The following LRMDA variants were observed in gnomAD, a reference collection of about 807,000 sequenced individuals.
LRMDA encodes the protein leucine-rich melanocyte differentiation-associated protein.
In LRMDA, 18 loss-of-function variants were observed where a neutral mutation model predicts 29.8. The ratio of observed to expected loss-of-function variants is 0.60; its 90% confidence interval spans 0.42 to 0.90. The LOEUF is 0.90. LRMDA is among the 40% of genes least tolerant of loss of function. LRMDA has a pLI of 0.00. For missense variants in LRMDA, 273 were observed against 273.9 expected (o/e 1.00, Z 0.02); for synonymous variants, 125 against 109.4 (o/e 1.14, Z -0.89).
chr10:75,707,812 G>T (rs549356870), intron 2 of LRMDA, among the ~76,000 whole-genome samples: 1 of 152,248 alleles, frequency 6.6e-6, no homozygotes, highest in South Asian at 2.1e-4. Context: ...CCTCAGTCTG[G>T]TATTTTTCCC....
chr10:75,545,524 A>G (rs913381395), intron 2 of LRMDA, among the ~76,000 whole-genome samples: 10 of 152,236 alleles, frequency 6.6e-5, no homozygotes, highest in Admixed American at 5.2e-4. Flanking sequence ...CACTGTGGAC[A>G]TAATAGGTGT....
intron 5 of LRMDA, among the ~76,000 whole-genome samples, chr10:76,225,408 C>T (rs146123107): frequency 1.5e-3 from 220 of 151,644 alleles, no homozygotes; most frequent in African/African-American, 5.2e-3. Flanking sequence ...CAGAGTGAGA[C>T]TCCGTCTCAA....
intron 5 of LRMDA, among the ~76,000 whole-genome samples, chr10:76,183,582 G>T (rs1350821635): frequency 6.6e-6 from 1 of 152,146 alleles, no homozygotes; most frequent in Non-Finnish European, 1.5e-5. Context: ...CTGGGGAGAG[G>T]GTGAGACAGG....
rs66523834 is a variant in LRMDA at position 76,111,809 on chromosome 10, TGG to T, written c.516+53034_516+53035del. ...GAAATCACCCCCGCCGAAATGGGGG[TGG>T]GGGGGGGCGCATGGTGGGCTCTCAT... On this transcript the variant is annotated intron_variant, in intron 5 of 6. Coordinates refer to ENST00000611255, the MANE Select transcript of LRMDA (RefSeq NM_001305581.2). 2.2e-3 allele frequency among the ~76,000 whole-genome samples: 329 copies of T among 150,746 alleles called. 3 individuals are homozygous for T. Among genetic ancestry groups the T allele is most frequent in the African/African-American group, 3.7e-3 (154 of 41,224 alleles).
intron 2 of LRMDA, among the ~76,000 whole-genome samples, chr10:75,548,169 C>T (rs754692481): frequency 7.3e-5 from 11 of 151,156 alleles, no homozygotes; most frequent in Non-Finnish European, 8.8e-5. Flanking sequence ...GAGCCCTTAA[C>T]GGATGATTAA....
intron 6 of LRMDA, among the ~76,000 whole-genome samples, chr10:76,487,633 A>G (rs1366701765): frequency 1.3e-5 from 2 of 151,864 alleles, no homozygotes; most frequent in African/African-American, 4.8e-5. Flanking sequence ...TAGGGTTAGT[A>G]TAAGACACAC....
chr10:76,050,143 C>T (rs1032811143), intron 4 of LRMDA, among the ~76,000 whole-genome samples: 1 of 152,176 alleles, frequency 6.6e-6, no homozygotes, highest in Non-Finnish European at 1.5e-5. Flanking sequence ...TGTTTCATTT[C>T]CATGGGAGAT....
chr10:75,511,023 G>T (rs968698339), intron 2 of LRMDA, among the ~76,000 whole-genome samples: 5 of 152,116 alleles, frequency 3.3e-5, no homozygotes, highest in African/African-American at 7.2e-5. Context: ...GTATTGATTT[G>T]GGAAGAGCCT....
At chr10:76,141,925 T>G (rs1449786376) in intron 5 of LRMDA, among the ~76,000 whole-genome samples, 2 of 152,122 alleles carry the variant, frequency 1.3e-5, no homozygotes, top group Non-Finnish European at 2.9e-5. Context: ...TTTTCTAACT[T>G]CCACTGGATA....
At chr10:76,221,518 A>G (rs1257063847) in intron 5 of LRMDA, among the ~76,000 whole-genome samples, 1 of 152,254 alleles carries the variant, frequency 6.6e-6, no homozygotes, top group Non-Finnish European at 1.5e-5. Context: ...CCCATTCACA[A>G]TTGTTTCAAA....
At chr10:76,335,282 G>A (rs182203838) in intron 6 of LRMDA, among the ~76,000 whole-genome samples, 7 of 152,212 alleles carry the variant, frequency 4.6e-5, no homozygotes, top group African/African-American at 1.7e-4. Context: ...TTTGCAGAGT[G>A]TAGTGCTCTC....
At chr10:76,063,272 GGT>G (rs1166807595) in intron 5 of LRMDA, among the ~76,000 whole-genome samples, 2 of 152,148 alleles carry the variant, frequency 1.3e-5, no homozygotes, top group East Asian at 3.9e-4. Context: ...TGAGTAGTGA[GGT>G]GTCTTTGAAG....
In LRMDA at chr10:76,058,883, G is replaced by T. The variant is rs1363504218; in HGVS notation, c.516+100G>T. 6.5e-6 allele frequency: 6 copies of T among 924,568 alleles called. No homozygotes were observed. In the Admixed American group the frequency reaches 7.7e-5, roughly 12 times the overall value. 57.3% of individuals were successfully genotyped at this position (924,568 alleles called of 1,614,324 possible). Reference sequence around the variant, plus strand: ...ATGTCCTCTGAGTGTTTAGAATGCAGTTGGAATCTCACATGAAGGGTCCTT... The same window carrying T: ...ATGTCCTCTGAGTGTTTAGAATGCATTTGGAATCTCACATGAAGGGTCCTT... On this transcript the variant is annotated intron_variant, in intron 5 of 6. Transcript: ENST00000611255.
intron 6 of LRMDA, among the ~76,000 whole-genome samples, chr10:76,467,447 T>G (rs1326943872): frequency 6.6e-6 from 1 of 152,230 alleles, no homozygotes; most frequent in East Asian, 1.9e-4. Context: ...GAACTAATTT[T>G]GTAAAGCATT....
chr10:76,107,032 C>T (rs1481007604), intron 5 of LRMDA, among the ~76,000 whole-genome samples: 1 of 152,186 alleles, frequency 6.6e-6, no homozygotes, highest in Non-Finnish European at 1.5e-5. Flanking sequence ...CTTCACAGAG[C>T]TTATTTCAGG....
chr10:76,222,178 C>T (rs1851855366), intron 5 of LRMDA, among the ~76,000 whole-genome samples: 1 of 151,942 alleles, frequency 6.6e-6, no homozygotes, highest in South Asian at 2.1e-4. Context: ...AGAAGAAAAC[C>T]TAGGCATTAC....
At chr10:75,456,153 C>A (rs922470606) in intron 2 of LRMDA, among the ~76,000 whole-genome samples, 2 of 152,196 alleles carry the variant, frequency 1.3e-5, no homozygotes, top group Non-Finnish European at 2.9e-5. Context: ...ACAGGAGTTG[C>A]GGGGGAGACA....
chr10:76,207,815 T>G (rs1851564700), intron 5 of LRMDA, among the ~76,000 whole-genome samples: 1 of 152,024 alleles, frequency 6.6e-6, no homozygotes, highest in Non-Finnish European at 1.5e-5. Flanking sequence ...AACACAAAAG[T>G]TAGCTGGGCG....
intron 2 of LRMDA, among the ~76,000 whole-genome samples, chr10:75,458,109 G>T (rs772930516): frequency 6.6e-6 from 1 of 152,158 alleles, no homozygotes; most frequent in Non-Finnish European, 1.5e-5. Flanking sequence ...AATCTCTGTT[G>T]TCATTCTCCA....
Sources: allele counts gnomAD v4.1 joint callset (sites outside exome capture counted in the v4.1 genomes callset), GRCh38; gene constraint gnomAD v4.1.1; transcripts MANE v1.5; gene names NCBI Gene and HGNC (gene_info 2026-07-23, HGNC 2026-07-21).